Variants in NRDE2 observed in about 807,000 individuals in gnomAD.
The protein encoded by NRDE2 is NRDE-2, necessary for RNA interference, domain containing.
A neutral mutation model predicts 124.2 loss-of-function variants in NRDE2; 76 were observed. The observed-to-expected ratio is 0.61, with a 90% CI of 0.51 to 0.74. The LOEUF (loss-of-function observed/expected upper bound fraction) is 0.74. Among genes scored for constraint, NRDE2 ranks in the 30% least tolerant of loss-of-function variants. NRDE2 has a pLI of 0.00. For missense variants in NRDE2, 1,314 were observed against 1,417.3 expected, an observed-to-expected ratio of 0.93 and a Z score of 1.17; for synonymous variants, 489 against 528.1, an observed-to-expected ratio of 0.93 and a Z score of 1.01.
intron 4 of NRDE2, 82 bp downstream of exon 4, chr14:90,312,312 C>A: frequency 3.1e-6 from 4 of 1,308,740 alleles, no homozygotes; most frequent in Non-Finnish European, 4.3e-6. Flanking sequence ...GAGAAACAGG[C>A]AGGCAGACAG....
intron 6 of NRDE2, 26 bp downstream of exon 6, chr14:90,302,694 G>A (rs531429149): frequency 1.8e-5 from 28 of 1,540,520 alleles, no homozygotes; most frequent in African/African-American, 6.9e-5. Context: ...CTCCTCCCAC[G>A]TAACTGGATC....
chr14:90,292,980 G>GT (rs1335292079), intron 8 of NRDE2, 108 bp from the exon 9 acceptor site: 14 of 961,500 alleles, frequency 1.5e-5, no homozygotes, highest in Non-Finnish European at 1.7e-5. Flanking sequence ...GCCAAGATGT[G>GT]TAAGAGCCAT....
chr14:90,311,772 T>A (rs774127299), intron 4 of NRDE2, among the ~76,000 whole-genome samples: 4 of 147,900 alleles, frequency 2.7e-5, no homozygotes, highest in Non-Finnish European at 4.5e-5. Flanking sequence ...GCTGATGAGT[T>A]AAAAAAAAAA....
At chr14:90,315,840 CCAGCTA>C (rs1401429995) in intron 3 of NRDE2, among the ~76,000 whole-genome samples, 2 of 151,442 alleles carry the variant, frequency 1.3e-5, no homozygotes, top group Non-Finnish European at 2.9e-5. Context: ...GCCTGTAATC[CCAGCTA>C]CTCGGGAGGC....
chr14:90,285,076 C>T (rs1342124526), intron 12 of NRDE2, among the ~76,000 whole-genome samples: 2 of 151,826 alleles, frequency 1.3e-5, no homozygotes, highest in African/African-American at 2.4e-5. Flanking sequence ...GTCAGGATTT[C>T]GAGACCAGTC....
chr14:90,305,958 T>C (rs1443468810), intron 4 of NRDE2, among the ~76,000 whole-genome samples: 5 of 152,116 alleles, frequency 3.3e-5, no homozygotes, highest in Admixed American at 3.3e-4. Context: ...CATGCTGAAG[T>C]ATTTAGGGGG....
In NRDE2 at chr14:90,301,840, A is replaced by T. The variant is rs533454862; in HGVS notation, c.1412-468T>A. ...TCAAGGTTCCATGTCTGAACATTCCAGTTCATCTTACTTTTGGTACAATTC... is the reference window on the plus strand; with the variant it reads ...TCAAGGTTCCATGTCTGAACATTCCTGTTCATCTTACTTTTGGTACAATTC... On this transcript the variant is annotated intron_variant, in intron 6 of 13. Coordinates refer to ENST00000354366, the MANE Select transcript of NRDE2 (RefSeq NM_017970.4). The T allele has an allele frequency of 2.2e-5, 10 of 455,694 alleles. No individual in the cohort carries two copies. In the East Asian group the frequency reaches 4.9e-4, roughly 22 times the overall value. 28.2% of individuals were successfully genotyped at this position (455,694 alleles called of 1,614,324 possible). A position where few individuals can be genotyped will look rare whatever the true frequency, so the allele number is the denominator to read the frequency against.
At position 90,302,730 on chromosome 14, in the gene NRDE2, C is replaced by G; in HGVS notation, c.1401G>C (p.Glu467Asp). Residue 467 changes from glutamate (E) to aspartate (D), a missense_variant, in exon 6 of 14, where the codon GAG becomes GAC. By Grantham distance (45) the Glu-to-Asp change is conservative. Transcript: ENST00000354366. ...TGGTTATCTCCTTACCAAACATGGC[C>G]TCTTCCGTGCCAGGCAACGCAGGGT... is the stretch of plus-strand genomic sequence containing the variant. Reference protein sequence around the residue: ...LSHPALPGTEEAMFALFLQQC... With the variant: ...LSHPALPGTEDAMFALFLQQC... The G allele has an allele frequency of 6.2e-7, 1 of 1,605,142 alleles. No homozygotes were observed. The highest frequency in any genetic ancestry group is 8.5e-7 in the Non-Finnish European group (1 of 1,175,094).
rs190594430 is a variant in NRDE2, at chr14:90,269,212, A to G, written c.*9124T>C. Reference sequence around the variant, plus strand: ...AAGTTTCAACACATAAATTTGGGGAAATACATTCAGACCATGGCAAGGGGT... The same window carrying G: ...AAGTTTCAACACATAAATTTGGGGAGATACATTCAGACCATGGCAAGGGGT... On this transcript the variant is annotated 3_prime_UTR_variant, in exon 14 of 14. Coordinates refer to ENST00000354366, the MANE Select transcript of NRDE2 (RefSeq NM_017970.4). 39 of 589,478 alleles carry G rather than the reference A, an allele frequency of 6.6e-5. No homozygotes were observed. Among genetic ancestry groups the G allele is most frequent in the Non-Finnish European group, 1.1e-4 (37 of 338,348 alleles). The allele number at this position is 589,478 out of a possible 1,614,324, so 36.5% of individuals were successfully genotyped here. A position where few individuals can be genotyped will look rare whatever the true frequency, so the allele number is the denominator to read the frequency against.
At position 90,274,765 on chromosome 14, in the gene NRDE2, T is replaced by G. The variant is rs1349485240; in HGVS notation, c.*3571A>C. On this transcript the variant is annotated 3_prime_UTR_variant, in exon 14 of 14. Transcript: ENST00000354366. ...AACAGTTACTATTAATGGAATACAG[T>G]ATAGCCCTTTAAATAGGGAACTACA... is the stretch of plus-strand genomic sequence containing the variant. 1 of 146,706 alleles carries G rather than the reference T, an allele frequency of 6.8e-6. No homozygotes were observed. Among genetic ancestry groups the G allele is most frequent in the Admixed American group, 6.9e-5 (1 of 14,448 alleles). 9.1% of individuals were successfully genotyped at this position (146,706 alleles called of 1,614,324 possible).
intron 10 of NRDE2, among the ~76,000 whole-genome samples, chr14:90,289,918 C>G (rs2139675959): frequency 6.6e-6 from 1 of 152,360 alleles, no homozygotes; most frequent in South Asian, 2.1e-4. Context: ...CCTGAATGCT[C>G]TGACGCTGCT....
At chr14:90,322,942 A>C (rs1437824653) in intron 1 of NRDE2, among the ~76,000 whole-genome samples, 1 of 152,250 alleles carries the variant, frequency 6.6e-6, no homozygotes, top group Non-Finnish European at 1.5e-5. Context: ...TTTATAGAGA[A>C]GACCAGCAGC....
At position 90,288,849 on chromosome 14, in the gene NRDE2, G is replaced by T. The variant is rs140522124; in HGVS notation, c.2526C>A (p.Ala842=). The T allele has an allele frequency of 8.1e-6, 13 of 1,614,126 alleles. No individual in the cohort carries two copies. The highest frequency in any genetic ancestry group is 3.3e-4 in the Middle Eastern group (2 of 6,062). The part of the protein sequence containing the change: ...VELSPEVRRA[A]TARAVHILTK... Reference sequence around the variant, plus strand: ...TTAATATGTGAACAGCTCGAGCTGTGGCAGCCCTTCTCACTTCTGGCGACA... The same window carrying T: ...TTAATATGTGAACAGCTCGAGCTGTTGCAGCCCTTCTCACTTCTGGCGACA... The change falls in exon 11 of 14, where the codon GCC becomes GCA. Residue 842 remains alanine, a synonymous_variant. Coordinates refer to ENST00000354366, the MANE Select transcript of NRDE2 (RefSeq NM_017970.4).
At chr14:90,328,003 C>T (rs28826084) in intron 1 of NRDE2, among the ~76,000 whole-genome samples, 45,209 of 151,800 alleles carry the variant, frequency 0.3, 7,017 homozygotes, top group Middle Eastern at 0.45. Context: ...ATTAGCCAGG[C>T]GTGGTGGCAA....
intron 6 of NRDE2, chr14:90,301,860 C>T (rs1179068898): frequency 2.2e-6 from 1 of 455,504 alleles, no homozygotes; most frequent in Non-Finnish European, 4.4e-6. Context: ...ACTTTTGGTA[C>T]AATTCCAGCT....
chr14:90,307,267 T>G (rs1884640230), intron 4 of NRDE2, among the ~76,000 whole-genome samples: 1 of 152,226 alleles, frequency 6.6e-6, no homozygotes, highest in South Asian at 2.1e-4. Context: ...TTCCATTGTA[T>G]GGATGTGCCA....
intron 4 of NRDE2, among the ~76,000 whole-genome samples, chr14:90,307,416 T>C (rs1884647049): frequency 6.6e-6 from 1 of 151,552 alleles, no homozygotes; most frequent in Non-Finnish European, 1.5e-5. Context: ...ACTTTTGCTA[T>C]AAAATCCTTA....
intron 12 of NRDE2, among the ~76,000 whole-genome samples, chr14:90,285,270 TAAA>T (rs796590562): frequency 4.7e-5 from 5 of 106,010 alleles, no homozygotes; most frequent in East Asian, 2.8e-4. Context: ...GACCTTGTCT[TAAA>T]AAAAAAAAAA....
rs1892243425 is a variant in NRDE2 at position 90,290,456 on chromosome 14, C to T, written c.1994G>A (p.Ser665Asn). The part of the protein sequence containing the change: ...SCLYLAMDEN[S>N]IFDNGLYDEK... Reference sequence around the variant, plus strand: ...ATCATAAAGTCCATTATCAAAGATGCTGTTCTCATCCATGGCCAGATAAAG... The same window carrying T: ...ATCATAAAGTCCATTATCAAAGATGTTGTTCTCATCCATGGCCAGATAAAG... Residue 665 changes from serine to asparagine, a missense_variant, in exon 10 of 14, where the codon AGC (serine) becomes AAC (asparagine). Physicochemically the swap from Ser to Asn is conservative, Grantham distance 46. Coordinates refer to ENST00000354366, the MANE Select transcript of NRDE2 (RefSeq NM_017970.4). The T allele has an allele frequency of 1.2e-6, 2 of 1,613,962 alleles. No homozygotes were observed. Among genetic ancestry groups the T allele is most frequent in the African/African-American group, 1.3e-5 (1 of 74,924 alleles).
Sources: gnomAD v4.1 joint callset for allele counts (sites outside exome capture counted in the v4.1 genomes callset) on GRCh38, gnomAD v4.1.1 for gene constraint, MANE v1.5 for transcripts, NCBI Gene and HGNC (gene_info 2026-07-23, HGNC 2026-07-21) for gene names.